CFAP58: variants seen among roughly 807,000 people sequenced by gnomAD.
CFAP58 encodes the protein cilia and flagella associated protein 58, also known as cilia- and flagella-associated protein 58.
Under a neutral mutation model 119.5 loss-of-function variants are expected in CFAP58, and 88 were observed. That is an observed-to-expected ratio of 0.74 (90% confidence interval 0.62 to 0.88). The LOEUF (loss-of-function observed/expected upper bound fraction) is 0.88. Ranked by LOEUF, CFAP58 falls within the 40% of genes least tolerant of loss-of-function variation. The probability of loss-of-function intolerance (pLI) is 0.00; values close to 1 mark genes in which losing one functional copy is unlikely to be tolerated. For synonymous variants in CFAP58, 365 were observed against 366.3 expected (o/e 1.00, Z 0.04); for missense variants, 990 against 1,021.2 (o/e 0.97, Z 0.42).
At chr10:104,401,941 A>G (rs1421329306) in intron 13 of CFAP58, among the ~76,000 whole-genome samples, 1 of 152,228 alleles carries the variant, frequency 6.6e-6, no homozygotes, top group Non-Finnish European at 1.5e-5. Flanking sequence ...CTAAGTAGCT[A>G]TCGAATAGTC....
chr10:104,415,058 C>T (rs1006004605), intron 15 of CFAP58, among the ~76,000 whole-genome samples: 3 of 152,146 alleles, frequency 2.0e-5, no homozygotes, highest in Non-Finnish European at 2.9e-5. Flanking sequence ...CAGACCTCGT[C>T]CCAGCCTTGA....
chr10:104,385,229 T>C (rs73335162), intron 9 of CFAP58, among the ~76,000 whole-genome samples: 8,662 of 152,128 alleles, frequency 0.057, 595 homozygotes, highest in African/African-American at 0.16. Flanking sequence ...AATGCAATTC[T>C]TCCAAGAATT....
At chr10:104,428,079 G>A (rs185516807) in intron 15 of CFAP58, among the ~76,000 whole-genome samples, 8 of 152,296 alleles carry the variant, frequency 5.3e-5, no homozygotes, top group African/African-American at 1.9e-4. Flanking sequence ...AGAAGGAAGG[G>A]CAAAGCTCAT....
chr10:104,453,956 T>C (rs539441723), intron 17 of CFAP58, among the ~76,000 whole-genome samples: 2 of 152,312 alleles, frequency 1.3e-5, no homozygotes, highest in South Asian at 4.1e-4. Context: ...AAAATTTGTG[T>C]TTTATAAATG....
intron 15 of CFAP58, among the ~76,000 whole-genome samples, chr10:104,429,177 G>A (rs1038050326): frequency 6.6e-6 from 1 of 152,188 alleles, no homozygotes; most frequent in Non-Finnish European, 1.5e-5. Context: ...CACAGAGGCT[G>A]GTGATGAGGG....
At position 104,362,023 on chromosome 10, in the gene CFAP58, G is replaced by T; in HGVS notation, c.292G>T (p.Glu98Ter). ...DQTTIASLKK[E>*]IEKAWKMVDS... ...CACTGATATCCTATGGCCCATCTAG[G>T]AAATTGAAAAGGCCTGGAAGATGGT... is the stretch of plus-strand genomic sequence containing the variant. The change falls in exon 3 of 18, where the codon GAA (glutamate) becomes TAA (stop). Residue 98 changes from glutamate (E) to a stop codon, truncating the protein, a stop_gained and splice_region_variant. Transcript: ENST00000369704. LOFTEE classifies it high-confidence loss of function. The T allele has an allele frequency of 6.2e-7, 1 of 1,612,966 alleles. No individual in the cohort carries two copies. The highest frequency in any genetic ancestry group is 8.5e-7 in the Non-Finnish European group (1 of 1,179,594).
chr10:104,398,201 G>T (rs1335630819), intron 11 of CFAP58, among the ~76,000 whole-genome samples: 1 of 152,220 alleles, frequency 6.6e-6, no homozygotes, highest in Non-Finnish European at 1.5e-5. Context: ...CACATAGGTA[G>T]ATAGCATTTT....
chr10:104,424,758 G>A (rs529938950), intron 15 of CFAP58, among the ~76,000 whole-genome samples: 1 of 152,110 alleles, frequency 6.6e-6, no homozygotes, highest in Admixed American at 6.5e-5. Flanking sequence ...TGTCTGGGAT[G>A]GTATATAATG....
At chr10:104,361,649 A>G (rs898456503) in intron 2 of CFAP58, among the ~76,000 whole-genome samples, 3 of 152,212 alleles carry the variant, frequency 2.0e-5, no homozygotes, top group South Asian at 4.1e-4. Flanking sequence ...ACTCAGCTAC[A>G]CAAGAAAAAA....
intron 7 of CFAP58, among the ~76,000 whole-genome samples, chr10:104,374,453 GAAAA>G (rs71022730): frequency 3.3e-5 from 1 of 30,696 alleles, no homozygotes; most frequent in Non-Finnish European, 6.3e-5. Flanking sequence ...CTTGTTTCAG[GAAAA>G]AAAAAAAAAA....
chr10:104,454,054 A>G (rs2013237447), intron 17 of CFAP58, among the ~76,000 whole-genome samples: 1 of 152,178 alleles, frequency 6.6e-6, no homozygotes, highest in Non-Finnish European at 1.5e-5. Flanking sequence ...TAAATGATGA[A>G]TTAGTCATTA....
At chr10:104,351,818 G>C (rs1286648880), upstream of CFAP58, 1 of 152,128 alleles carries the variant, frequency 6.6e-6, no homozygotes, top group Non-Finnish European at 1.5e-5. Context: ...GGGAAAAAAA[G>C]AGCTAAAGAG....
intron 1 of CFAP58, among the ~76,000 whole-genome samples, chr10:104,358,064 T>TAC (rs1367617584): frequency 6.9e-6 from 1 of 144,696 alleles, no homozygotes; most frequent in Non-Finnish European, 1.5e-5. Context: ...TGTACATATA[T>TAC]ACACATATGT....
intron 8 of CFAP58, among the ~76,000 whole-genome samples, chr10:104,378,576 C>T (rs2011715466): frequency 6.6e-6 from 1 of 152,228 alleles, no homozygotes; most frequent in Non-Finnish European, 1.5e-5. Context: ...GAAAGCATCT[C>T]TCTCTGCCAG....
At chr10:104,416,566 G>C (rs547788036) in intron 15 of CFAP58, among the ~76,000 whole-genome samples, 1 of 152,036 alleles carries the variant, frequency 6.6e-6, no homozygotes, top group Non-Finnish European at 1.5e-5. Flanking sequence ...TGTGCAGAGG[G>C]AACAAACCTC....
chr10:104,416,769 A>G (rs899310808), intron 15 of CFAP58, among the ~76,000 whole-genome samples: 1 of 152,244 alleles, frequency 6.6e-6, no homozygotes, highest in African/African-American at 2.4e-5. Context: ...GGGAACACGT[A>G]GGCCAGGAAA....
At position 104,396,583 on chromosome 10, in the gene CFAP58, G is replaced by T. The variant is rs184759018; in HGVS notation, c.1675-2777G>T. Reference sequence around the variant, plus strand: ...GTGTTGAGATCATGTATGAATGGGAGAAATTCTACAAGTATGACTCTTGAG... The same window carrying T: ...GTGTTGAGATCATGTATGAATGGGATAAATTCTACAAGTATGACTCTTGAG... On this transcript the variant is annotated intron_variant, in intron 11 of 17. Coordinates refer to ENST00000369704, the MANE Select transcript of CFAP58 (RefSeq NM_001008723.2). 3.3e-5 allele frequency among the ~76,000 whole-genome samples: 5 copies of T among 152,308 alleles called. No homozygotes were observed. The East Asian group carries it at 9.6e-4, about 29-fold the overall frequency.
chr10:104,397,998 G>C (rs1418302801), intron 11 of CFAP58, among the ~76,000 whole-genome samples: 2 of 152,288 alleles, frequency 1.3e-5, no homozygotes, highest in Non-Finnish European at 2.9e-5. Flanking sequence ...CTGTTCCACT[G>C]TCTGGTGAAC....
intron 1 of CFAP58, among the ~76,000 whole-genome samples, chr10:104,356,896 A>G (rs2014550207): frequency 6.6e-6 from 1 of 152,232 alleles, no homozygotes; most frequent in Admixed American, 6.5e-5. Flanking sequence ...TGTATGGCAG[A>G]TGTTCAATAA....
Sources: allele counts gnomAD v4.1 joint callset (sites outside exome capture counted in the v4.1 genomes callset), GRCh38; gene constraint gnomAD v4.1.1; transcripts MANE v1.5; gene names NCBI Gene and HGNC (gene_info 2026-07-23, HGNC 2026-07-21).